Variants in VLDLR observed in about 807,000 individuals in gnomAD.
VLDLR encodes the protein very low density lipoprotein receptor, also known as very low-density lipoprotein receptor.
VLDLR carries 81 observed loss-of-function variants against 112.7 expected under a neutral mutation model. That is an observed-to-expected ratio of 0.72 (90% CI 0.60 to 0.86). VLDLR has a LOEUF of 0.86. VLDLR is among the 40% of genes least tolerant of loss of function. VLDLR has a pLI of 0.00. For synonymous variants in VLDLR, 436 were observed against 384.8 expected (o/e 1.13, Z -1.56); for missense variants, 1,237 against 1,099.4 (o/e 1.13, Z -1.77).
intron 14 of VLDLR, 95 bp from the exon 15 acceptor site, chr9:2,650,273 TGG>T: frequency 6.6e-7 from 1 of 1,515,684 alleles, no homozygotes; most frequent in Non-Finnish European, 9.1e-7. Context: ...TTTAAGCTCT[TGG>T]GGGCAAGGAC....
chr9:2,643,756 G>C lies in VLDLR; in HGVS notation c.943+6G>C. 1.2e-6 allele frequency: 2 copies of C among 1,614,170 alleles called. No homozygotes were observed. The highest frequency in any genetic ancestry group is 1.7e-6 in the Non-Finnish European group (2 of 1,180,042). ...TGAAGTCAACTGCAAAAATGGTAAGGGTTTCTTCTTGTTGGTTAAGCAATG... is the reference window on the plus strand; with the variant it reads ...TGAAGTCAACTGCAAAAATGGTAAGCGTTTCTTCTTGTTGGTTAAGCAATG... On this transcript the variant is annotated splice_donor_region_variant and intron_variant, in intron 6 of 18. Coordinates refer to ENST00000382100, the MANE Select transcript of VLDLR (RefSeq NM_003383.5).
intron 3 of VLDLR, 85 bp downstream of exon 3, chr9:2,640,066 T>A: frequency 1.9e-6 from 3 of 1,609,766 alleles, no homozygotes; most frequent in Non-Finnish European, 1.7e-6. Flanking sequence ...TCCTACTTGG[T>A]ATTCATTTTT....
At chr9:2,627,129 G>A (rs1204686444) in intron 1 of VLDLR, among the ~76,000 whole-genome samples, 2 of 152,164 alleles carry the variant, frequency 1.3e-5, no homozygotes, top group South Asian at 2.1e-4. Flanking sequence ...GCCAAAGACC[G>A]CTTGGAATAG....
chr9:2,651,362 C>T, intron 15 of VLDLR, 53 bp from the exon 16 acceptor site: 2 of 1,512,382 alleles, frequency 1.3e-6, no homozygotes, highest in Non-Finnish European at 1.8e-6. Context: ...GACAAAACAG[C>T]TAGCCATGCT....
intron 18 of VLDLR, among the ~76,000 whole-genome samples, chr9:2,653,248 T>A (rs1364849889): frequency 2.0e-5 from 3 of 152,216 alleles, no homozygotes; most frequent in Non-Finnish European, 4.4e-5. Context: ...ACTGAACTAT[T>A]AAATCCATTG....
Position 2,621,824 on chromosome 9 carries a change from C to T in VLDLR, c.-366C>T, listed in dbSNP as rs1258066520. On this transcript the variant is annotated 5_prime_UTR_variant, in exon 1 of 19. Transcript: ENST00000382100. ...GGCCGCCGCCGGTGCGGGTGCTCCG[C>T]TACCGGCTCCTCTCCGTTCTGTGCT... 1 of 506,902 alleles carries T rather than the reference C, an allele frequency of 2.0e-6. No individual in the cohort carries two copies. Among genetic ancestry groups the T allele is most frequent in the East Asian group, 5.6e-5 (1 of 17,710 alleles). The allele number at this position is 506,902 out of a possible 1,614,324, so 31.4% of individuals were successfully genotyped here. A position where few individuals can be genotyped will look rare whatever the true frequency, so the allele number is the denominator to read the frequency against.
chr9:2,624,829 G>A (rs1001054493), intron 1 of VLDLR, among the ~76,000 whole-genome samples: 3 of 152,176 alleles, frequency 2.0e-5, no homozygotes, highest in African/African-American at 7.2e-5. Flanking sequence ...CGTAAAGGAA[G>A]GTCACCAGCC....
rs549500661 is a variant in VLDLR at position 2,630,070 on chromosome 9, A to C, written c.83-5383A>C. ...CAGCCTCCCAAAGTGCTGGGATTAC[A>C]GGCATGAGCCACCGTGCCTGGCCCA... On this transcript the variant is annotated intron_variant, in intron 1 of 18. Coordinates refer to ENST00000382100, the MANE Select transcript of VLDLR (RefSeq NM_003383.5). Among the ~76,000 whole-genome samples the C allele has an allele frequency of 1.8e-4, 28 of 152,296 alleles. No homozygotes were observed. In the East Asian group the frequency reaches 5.4e-3, roughly 29 times the overall value.
At chr9:2,622,660 G>C (rs574738419) in intron 1 of VLDLR, among the ~76,000 whole-genome samples, 1 of 152,352 alleles carries the variant, frequency 6.6e-6, no homozygotes, top group African/African-American at 2.4e-5. Context: ...AGAGGGCCAA[G>C]ACGTGTGCGG....
chr9:2,639,536 T>C (rs1817739883), intron 2 of VLDLR, among the ~76,000 whole-genome samples: 1 of 152,168 alleles, frequency 6.6e-6, no homozygotes, highest in African/African-American at 2.4e-5. Flanking sequence ...GAAATGCATG[T>C]AGAAAATGAA....
chr9:2,645,477 C>G (rs1586653165), intron 9 of VLDLR, 97 bp from the exon 10 acceptor site: 2 of 1,454,318 alleles, frequency 1.4e-6, no homozygotes, highest in Non-Finnish European at 9.6e-7. Context: ...TCCACAATAC[C>G]TTTATTTTCT....
At chr9:2,632,974 AGG>A (rs1817425118) in intron 1 of VLDLR, among the ~76,000 whole-genome samples, 1 of 151,706 alleles carries the variant, frequency 6.6e-6, no homozygotes, top group South Asian at 2.1e-4. Context: ...TCTTTTAAAC[AGG>A]CAGGGACATT....
Position 2,651,857 on chromosome 9 carries a change from C to T in VLDLR, c.2336-17C>T. On this transcript the variant is annotated splice_polypyrimidine_tract_variant and intron_variant, in intron 16 of 18. Transcript: ENST00000382100. ...AATACAGATCCTTCTAAACTGATTCCTTTTATTCCTCTGTAGGGATCAATG... is the reference window on the plus strand; with the variant it reads ...AATACAGATCCTTCTAAACTGATTCTTTTTATTCCTCTGTAGGGATCAATG... The T allele has an allele frequency of 1.2e-6, 2 of 1,613,934 alleles. No individual in the cohort carries two copies. Among genetic ancestry groups the T allele is most frequent in the Non-Finnish European group, 1.7e-6 (2 of 1,179,866 alleles).
At chr9:2,624,516 T>C (rs1430298520) in intron 1 of VLDLR, among the ~76,000 whole-genome samples, 2 of 152,194 alleles carry the variant, frequency 1.3e-5, no homozygotes, top group Non-Finnish European at 2.9e-5. Flanking sequence ...CTGGGACATT[T>C]TCCTTCAGCC....
chr9:2,650,247 T>A, intron 14 of VLDLR, 123 bp from the exon 15 acceptor site: 1 of 1,173,446 alleles, frequency 8.5e-7, no homozygotes, highest in Non-Finnish European at 1.2e-6. Context: ...CTTGAAGGAT[T>A]AGCAGAGTAG....
chr9:2,648,309 G>C lies in VLDLR; in HGVS notation c.1924G>C (p.Glu642Gln). The part of the protein sequence containing the change: ...QDRRIVLKSL[E>Q]FLAHPLALTI... ...TCGTAGGATAGTACTAAAGTCTCTG[G>C]AGTTCCTAGCTCATCCTCTTGCACT... Residue 642 changes from glutamate (E) to glutamine (Q), a missense_variant, in exon 13 of 19, where the codon GAG becomes CAG. Physicochemically the swap from Glu to Gln is conservative, Grantham distance 29. Coordinates refer to ENST00000382100, the MANE Select transcript of VLDLR (RefSeq NM_003383.5). 4.3e-6 allele frequency: 7 copies of C among 1,614,140 alleles called. No individual in the cohort carries two copies. Among genetic ancestry groups the C allele is most frequent in the Non-Finnish European group, 3.4e-6 (4 of 1,180,014 alleles).
At chr9:2,629,512 T>A (rs1817242811) in intron 1 of VLDLR, among the ~76,000 whole-genome samples, 1 of 152,222 alleles carries the variant, frequency 6.6e-6, no homozygotes, top group Admixed American at 6.5e-5. Context: ...GACTGTACTT[T>A]CCTTCTCTAC....
At chr9:2,641,237 C>T (rs917683640) in intron 3 of VLDLR, 140 bp from the exon 4 acceptor site, 62 of 1,340,876 alleles carry the variant, frequency 4.6e-5, no homozygotes, top group East Asian at 9.4e-5. Context: ...AAGAGCTCCC[C>T]GGGCTTCAGC....
chr9:2,645,508 G>A, intron 9 of VLDLR, 66 bp from the exon 10 acceptor site: 2 of 1,568,412 alleles, frequency 1.3e-6, no homozygotes, highest in Non-Finnish European at 1.8e-6. Flanking sequence ...CTGCTGGGAG[G>A]AGGTGGTTTA....
Sources: gnomAD v4.1 joint callset for allele counts (sites outside exome capture counted in the v4.1 genomes callset) on GRCh38, gnomAD v4.1.1 for gene constraint, MANE v1.5 for transcripts, NCBI Gene and HGNC (gene_info 2026-07-23, HGNC 2026-07-21) for gene names.